ATG16L1: variants seen among roughly 807,000 people sequenced by gnomAD.
The protein encoded by ATG16L1 is autophagy related 16 like 1.
ATG16L1 carries 37 observed loss-of-function variants against 88.5 expected under a neutral mutation model. The observed-to-expected ratio is 0.42, with a 90% CI of 0.32 to 0.55. ATG16L1 has a LOEUF of 0.55. Ranked by LOEUF, ATG16L1 falls within the 20% of genes least tolerant of loss-of-function variation. The pLI is 0.13. For missense variants in ATG16L1, 554 were observed against 752.8 expected, an observed-to-expected ratio of 0.74 and a Z score of 3.09; for synonymous variants, 301 against 281.0, an observed-to-expected ratio of 1.07 and a Z score of -0.71.
At chr2:233,258,388 G>A (rs1334905717) in intron 2 of ATG16L1, among the ~76,000 whole-genome samples, 5 of 152,200 alleles carry the variant, frequency 3.3e-5, no homozygotes, top group Non-Finnish European at 5.9e-5. Flanking sequence ...AGGACAGAGT[G>A]GGAAAGATAC....
chr2:233,267,473 C>T (rs1242999391), intron 5 of ATG16L1, among the ~76,000 whole-genome samples: 3 of 152,006 alleles, frequency 2.0e-5, no homozygotes, highest in African/African-American at 4.8e-5. Context: ...AAAAAAATGA[C>T]TGGAAGGAAT....
At chr2:233,263,538 A>T (rs1264420761) in intron 3 of ATG16L1, among the ~76,000 whole-genome samples, 1 of 152,230 alleles carries the variant, frequency 6.6e-6, no homozygotes, top group Admixed American at 6.5e-5. Context: ...GGTGCGCTGA[A>T]GGCCTCACTG....
intron 7 of ATG16L1, 42 bp downstream of exon 7, chr2:233,273,094 A>G (rs1698102398): frequency 1.3e-6 from 2 of 1,492,984 alleles, no homozygotes; most frequent in African/African-American, 2.8e-5. Context: ...CAGCTTGAGG[A>G]GCAATATGAA....
chr2:233,282,595 T>G, intron 11 of ATG16L1, 87 bp from the exon 12 acceptor site: 7 of 1,196,272 alleles, frequency 5.9e-6, no homozygotes, highest in Non-Finnish European at 8.7e-6. Context: ...AACCTTCTTG[T>G]ACTTGATTAT....
chr2:233,293,243 C>A lies in ATG16L1; in HGVS notation c.1629-13C>A, dbSNP rs1314380685. 1.2e-6 allele frequency: 2 copies of A among 1,611,530 alleles called. No individual in the cohort carries two copies. The highest frequency in any genetic ancestry group is 1.7e-6 in the Non-Finnish European group (2 of 1,177,618). On this transcript the variant is annotated splice_polypyrimidine_tract_variant and intron_variant, in intron 16 of 17. Coordinates refer to ENST00000392017, the MANE Select transcript of ATG16L1 (RefSeq NM_030803.7). ...GGAATTGACAACCTTTCTTTTCTTA[C>A]TGTCTTCTGTAGCCCTGATGGCAGT...
intron 12 of ATG16L1, chr2:233,283,053 C>A (rs910372645): frequency 3.4e-6 from 1 of 297,510 alleles, no homozygotes; most frequent in African/African-American, 2.1e-5. Flanking sequence ...CAGAACTTAG[C>A]AACAGCATGT....
intron 2 of ATG16L1, among the ~76,000 whole-genome samples, chr2:233,262,766 C>CT (rs1250937669): frequency 1.3e-5 from 2 of 152,208 alleles, no homozygotes; most frequent in Non-Finnish European, 2.9e-5. Flanking sequence ...TCTCAGTTGA[C>CT]TGTCAGCTGT....
chr2:233,279,515 A>G (rs373501901), intron 10 of ATG16L1, among the ~76,000 whole-genome samples: 9 of 152,224 alleles, frequency 5.9e-5, no homozygotes, highest in African/African-American at 1.7e-4. Context: ...CCTTTCTTCT[A>G]CAAACAGCTG....
chr2:233,266,042 G>A (rs1412050657), intron 5 of ATG16L1: 1 of 152,146 alleles, frequency 6.6e-6, no homozygotes, highest in Non-Finnish European at 1.5e-5. Context: ...ACAACTCACA[G>A]AGAACACCGA....
chr2:233,273,997 C>G, intron 8 of ATG16L1: 1 of 1,551,220 alleles, frequency 6.4e-7, no homozygotes, highest in Admixed American at 2.0e-5. Flanking sequence ...TTAGTCTGTC[C>G]GAGTCTCCCC....
At position 233,256,181 on chromosome 2, in the gene ATG16L1, C is replaced by T. The variant is rs1559375331; in HGVS notation, c.195C>T (p.Asn65=). ...AGGCTGAAAAGCATGACGTACCAAA[C>T]AGGCACGAGATAAGGTATTTTGAAA... ...KLQAEKHDVP[N]RHEISPGHDG... The change falls in exon 2 of 18, where the codon AAC becomes AAT. Residue 65 remains asparagine (N), a synonymous_variant. Coordinates refer to ENST00000392017, the MANE Select transcript of ATG16L1 (RefSeq NM_030803.7). 6.2e-7 allele frequency: 1 copy of T among 1,613,696 alleles called. No individual in the cohort carries two copies. The highest frequency in any genetic ancestry group is 8.5e-7 in the Non-Finnish European group (1 of 1,179,644).
chr2:233,293,382 C>T (rs1403150612), intron 17 of ATG16L1, 25 bp downstream of exon 17: 1 of 1,600,188 alleles, frequency 6.2e-7, no homozygotes, highest in African/African-American at 1.3e-5. Context: ...GTCTCAGCCC[C>T]CCGTTGCGTT....
intron 2 of ATG16L1, among the ~76,000 whole-genome samples, chr2:233,262,775 G>A (rs1480952608): frequency 2.0e-5 from 3 of 152,184 alleles, no homozygotes; most frequent in South Asian, 2.1e-4. Context: ...ACTGTCAGCT[G>A]TGTGGAAGCA....
At chr2:233,282,489 A>G (rs1683576592) in intron 11 of ATG16L1, among the ~76,000 whole-genome samples, 193 bp from the exon 12 acceptor site, 6 of 151,496 alleles carry the variant, frequency 4.0e-5, no homozygotes, top group Admixed American at 2.6e-4. Context: ...GCAAGCTCAG[A>G]AAAAAAAAGG....
intron 12 of ATG16L1, among the ~76,000 whole-genome samples, chr2:233,284,689 C>T (rs967560927): frequency 5.9e-5 from 9 of 151,932 alleles, no homozygotes; most frequent in Admixed American, 3.3e-4. Flanking sequence ...AGGCTGGTCT[C>T]GAACTCCTGA....
chr2:233,272,010 A>G (rs145776144), intron 6 of ATG16L1, among the ~76,000 whole-genome samples: 9 of 152,390 alleles, frequency 5.9e-5, no homozygotes, highest in African/African-American at 2.2e-4. Context: ...CTTGCTTAGT[A>G]ACAGGTTCTT....
chr2:233,265,992 T>C (rs909071439), intron 5 of ATG16L1: 8 of 152,104 alleles, frequency 5.3e-5, no homozygotes, highest in Non-Finnish European at 1.2e-4. Flanking sequence ...ATATACACTC[T>C]TACTAAAACC....
At position 233,263,973 on chromosome 2, in the gene ATG16L1, ATTC is replaced by A. The variant is rs535064986; in HGVS notation, c.316-13_316-11del. 9.9e-5 allele frequency: 160 copies of A among 1,612,846 alleles called. No homozygotes were observed. The African/African-American group carries it at 1.9e-3, about 19-fold the overall frequency. On this transcript the variant is annotated splice_polypyrimidine_tract_variant and intron_variant, in intron 3 of 17. Transcript: ENST00000392017. ...TCCTAAAATTTTTATTTATGAAAGT[ATTC>A]TTCTTTATCTCCCAGTTAGCTCAAC... is the stretch of plus-strand genomic sequence containing the variant.
chr2:233,285,820 C>T (rs760325241), intron 12 of ATG16L1, among the ~76,000 whole-genome samples: 17 of 152,242 alleles, frequency 1.1e-4, no homozygotes, highest in Middle Eastern at 3.4e-3. Flanking sequence ...ATGCCCTGTT[C>T]GGTGTCTCCT....
Sources: allele counts gnomAD v4.1 joint callset (sites outside exome capture counted in the v4.1 genomes callset), GRCh38; gene constraint gnomAD v4.1.1; transcripts MANE v1.5; gene names NCBI Gene and HGNC (gene_info 2026-07-23, HGNC 2026-07-21).